The following REPS2 variants were observed in gnomAD, a reference collection of about 807,000 sequenced individuals.
The protein encoded by REPS2 is RALBP1 associated Eps domain containing 2.
A neutral mutation model predicts 53.6 loss-of-function variants in REPS2; 23 were observed. That is an observed-to-expected ratio of 0.43 (90% CI 0.31 to 0.61). The LOEUF is 0.61. Among genes scored for constraint, REPS2 ranks in the 20% least tolerant of loss-of-function variants. REPS2 has a pLI of 0.11. For synonymous variants in REPS2, 238 were observed against 218.6 expected (o/e 1.09, Z -0.78); for missense variants, 446 against 534.9 (o/e 0.83, Z 1.64).
chrX:17,037,542 C>T (rs2061781540), intron 5 of REPS2, among the ~76,000 whole-genome samples: 1 of 112,517 alleles, frequency 8.9e-6, no homozygotes, highest in Non-Finnish European at 1.9e-5. Flanking sequence ...TCTTGAACTC[C>T]TGACCTCAAG....
intron 9 of REPS2, among the ~76,000 whole-genome samples, chrX:17,063,656 A>T (rs1341881537): frequency 1.4e-4 from 16 of 111,770 alleles, no homozygotes; most frequent in Admixed American, 1.3e-3. Flanking sequence ...TTTTGGTTAA[A>T]ATTTTTTTTT....
At chrX:17,049,810 A>G (rs113144527) in intron 6 of REPS2, among the ~76,000 whole-genome samples, 2,895 of 111,530 alleles carry the variant, frequency 0.026, 101 homozygotes, top group African/African-American at 0.091. Flanking sequence ...GTGTTATTAC[A>G]ATGGAGTCAA....
At chrX:17,135,556 C>T (rs1476589379) in intron 16 of REPS2, 150 bp downstream of exon 16, 1 of 668,583 alleles carries the variant, frequency 1.5e-6, no homozygotes, top group African/African-American at 2.2e-5. Context: ...GGATTCAAGT[C>T]TCCCAGTCAC....
chrX:17,108,334 C>T (rs762724608), intron 14 of REPS2, among the ~76,000 whole-genome samples: 24 of 110,185 alleles, frequency 2.2e-4, no homozygotes, highest in Non-Finnish European at 4.4e-4. Flanking sequence ...CCACCACGCC[C>T]GGCTAATTCT....
Position 17,118,687 on chromosome X carries a change from AAGTT to A in REPS2, c.1578+14909_1578+14912del, listed in dbSNP as rs776715366. On this transcript the variant is annotated intron_variant, in intron 14 of 17. Coordinates refer to ENST00000357277, the MANE Select transcript of REPS2 (RefSeq NM_004726.3). ...AATTAACTGTAGATCTGCTAAGTAA[AAGTT>A]GATTAAATTTCTACACTCTGTGCCC... 4.7e-3 allele frequency among the ~76,000 whole-genome samples: 525 copies of A among 112,006 alleles called. 7 individuals carry two copies. Among genetic ancestry groups the A allele is most frequent in the African/African-American group, 0.016 (498 of 30,843 alleles).
chrX:16,986,327 A>G (rs1332089154), intron 1 of REPS2, among the ~76,000 whole-genome samples: 2 of 111,690 alleles, frequency 1.8e-5, no homozygotes, highest in East Asian at 5.6e-4. Context: ...TAGAAAATCA[A>G]TTTCCTCTGC....
chrX:17,161,557 C>T, the REPS2 span, among the ~76,000 whole-genome samples: 11 of 110,353 alleles, frequency 1.0e-4, no homozygotes, highest in Non-Finnish European at 2.1e-4. Flanking sequence ...CCTGAATGTG[C>T]GTGGAAGCAG....
chrX:17,159,873 G>C, the REPS2 span, among the ~76,000 whole-genome samples: 1 of 112,084 alleles, frequency 8.9e-6, no homozygotes, highest in African/African-American at 3.2e-5. Context: ...TAGCCAAAAT[G>C]TGACCACTGG....
chrX:17,015,522 T>C (rs1266207845), intron 2 of REPS2, among the ~76,000 whole-genome samples: 1 of 111,301 alleles, frequency 9.0e-6, no homozygotes, highest in African/African-American at 3.3e-5. Context: ...TAACTCGTCA[T>C]TTAACATTAG....
In REPS2 at chrX:17,045,075, G is replaced by A. The variant is rs1356495232; in HGVS notation, c.772-2272G>A. On this transcript the variant is annotated intron_variant, in intron 5 of 17. Transcript: ENST00000357277. ...CTCCCGAGTAGCTGGGATTACAGGC[G>A]CCTGCCACCACACCTGGCTAATTTT... Among the ~76,000 whole-genome samples, 4 of 109,809 alleles carry A rather than the reference G, an allele frequency of 3.6e-5. No individual in the cohort carries two copies. In the South Asian group the frequency reaches 1.2e-3, roughly 32 times the overall value.
At position 17,147,529 on chromosome X, in the gene REPS2, T is replaced by G. The variant is rs2063529155; in HGVS notation, c.*48T>G. 2.9e-6 allele frequency: 3 copies of G among 1,033,326 alleles called. No homozygotes were observed. The highest frequency in any genetic ancestry group is 1.9e-5 in the African/African-American group (1 of 53,844). The allele number at this position is 1,033,326 out of a possible 1,213,427, so 85.2% of individuals were successfully genotyped here. On this transcript the variant is annotated 3_prime_UTR_variant, in exon 18 of 18. Coordinates refer to ENST00000357277, the MANE Select transcript of REPS2 (RefSeq NM_004726.3). ...GTGGGTGACCTTGTCTGCCAAGATC[T>G]TTCTTTTGAATGTTTTGAACCCAAC...
At chrX:17,120,056 T>C (rs905510629) in intron 14 of REPS2, among the ~76,000 whole-genome samples, 3 of 110,330 alleles carry the variant, frequency 2.7e-5, no homozygotes, top group East Asian at 2.8e-4. Context: ...TTTGTATTTT[T>C]AGTAGAGATA....
At chrX:17,157,604 G>A (rs1407560791), downstream of REPS2, among the ~76,000 whole-genome samples, 12 of 111,726 alleles carry the variant, frequency 1.1e-4, no homozygotes, top group Non-Finnish European at 1.7e-4. Context: ...GGCCAAGGAT[G>A]TTGCCAAATA....
intron 1 of REPS2, among the ~76,000 whole-genome samples, chrX:16,966,414 C>T (rs994319007): frequency 5.4e-5 from 6 of 111,945 alleles, no homozygotes; most frequent in African/African-American, 1.6e-4. Context: ...TTTTTTCAGA[C>T]TTTGGAATAT....
chrX:17,014,895 A>G (rs1389796998), intron 2 of REPS2, among the ~76,000 whole-genome samples: 1 of 113,153 alleles, frequency 8.8e-6, no homozygotes, highest in Non-Finnish European at 1.9e-5. Flanking sequence ...CTAAATGTTC[A>G]AATCTGTACT....
rs920651302 is a variant in REPS2 at position 16,989,164 on chromosome X, T to C, written c.274-17057T>C. On this transcript the variant is annotated intron_variant, in intron 1 of 17. Coordinates refer to ENST00000357277, the MANE Select transcript of REPS2 (RefSeq NM_004726.3). ...CCAACAGAAATGTGCCCAATTGATC[T>C]TTGACAAAATTGCAACAGCAATTGA... is the stretch of plus-strand genomic sequence containing the variant. Among the ~76,000 whole-genome samples the C allele has an allele frequency of 5.4e-5, 6 of 110,382 alleles. No homozygotes were observed. In the South Asian group the frequency reaches 2.3e-3, roughly 43 times the overall value.
chrX:17,095,534 T>C (rs942361397), intron 13 of REPS2, among the ~76,000 whole-genome samples: 2 of 110,093 alleles, frequency 1.8e-5, no homozygotes, highest in African/African-American at 3.3e-5. Flanking sequence ...CTTTTTTTTT[T>C]TTTTTAATGA....
chrX:17,191,401 C>T, the REPS2 span, among the ~76,000 whole-genome samples: 1 of 112,414 alleles, frequency 8.9e-6, no homozygotes, highest in South Asian at 3.7e-4. Flanking sequence ...CCACTTCACA[C>T]TTATAATAAC....
At chrX:17,075,517 C>T (rs2062368202) in intron 12 of REPS2, among the ~76,000 whole-genome samples, 3 of 112,034 alleles carry the variant, frequency 2.7e-5, no homozygotes, top group African/African-American at 9.7e-5. Context: ...TTTTTATCCT[C>T]CTTTTTGAAA....
Sources: gnomAD v4.1 joint callset for allele counts (sites outside exome capture counted in the v4.1 genomes callset) on GRCh38, gnomAD v4.1.1 for gene constraint, MANE v1.5 for transcripts, NCBI Gene and HGNC (gene_info 2026-07-23, HGNC 2026-07-21) for gene names.